The following ZDHHC11 variants were observed in gnomAD, a reference collection of about 807,000 sequenced individuals.
ZDHHC11 encodes the protein palmitoyltransferase ZDHHC11.
Under a neutral mutation model 51.3 loss-of-function variants are expected in ZDHHC11, and 44 were observed. The ratio of observed to expected loss-of-function variants is 0.86; its 90% CI spans 0.67 to 1.10. The LOEUF (loss-of-function observed/expected upper bound fraction) is 1.10. Among genes scored for constraint, ZDHHC11 ranks in the 50% least tolerant of loss-of-function variants. The pLI, the probability that ZDHHC11 is intolerant of heterozygous loss-of-function variation, is 0.00. For synonymous variants in ZDHHC11, 163 were observed against 222.0 expected, an observed-to-expected ratio of 0.73 and a Z score of 2.36; for missense variants, 400 against 537.7, an observed-to-expected ratio of 0.74 and a Z score of 2.53.
chr5:848,868 C>T (rs542948699), intron 1 of ZDHHC11, among the ~76,000 whole-genome samples: 7 of 151,530 alleles, frequency 4.6e-5, no homozygotes, highest in Non-Finnish European at 8.8e-5. Context: ...TTCGCCTGGC[C>T]CTGCTCACCT....
At chr5:804,758 A>G (rs1739004275) in intron 11 of ZDHHC11, among the ~76,000 whole-genome samples, 2 of 151,348 alleles carry the variant, frequency 1.3e-5, no homozygotes, top group South Asian at 4.2e-4. Flanking sequence ...TATGTGACAA[A>G]TCTATCCTTC....
At chr5:832,347 G>C (rs1328438723) in intron 7 of ZDHHC11, among the ~76,000 whole-genome samples, 19 of 53,278 alleles carry the variant, frequency 3.6e-4, no homozygotes, top group Non-Finnish European at 5.3e-4. Context: ...TACACATTGA[G>C]TACTGTATAC....
At chr5:817,737 C>T (rs1407414957) in intron 10 of ZDHHC11, among the ~76,000 whole-genome samples, 1 of 150,452 alleles carries the variant, frequency 6.6e-6, no homozygotes, top group African/African-American at 2.5e-5. Flanking sequence ...CTGCAGCACA[C>T]TCATTACACA....
upstream of ZDHHC11, among the ~76,000 whole-genome samples, chr5:852,923 A>T (rs1483236750): frequency 6.9e-6 from 1 of 145,528 alleles, no homozygotes; most frequent in Non-Finnish European, 1.5e-5. Flanking sequence ...CCCGCGGAGG[A>T]CAGCGAGCCG....
At chr5:808,746 G>A (rs1234286249) in intron 11 of ZDHHC11, among the ~76,000 whole-genome samples, 1,336 of 143,598 alleles carry the variant, frequency 9.3e-3, no homozygotes, top group African/African-American at 0.032. Context: ...CGCCCAGGCT[G>A]GAGTGCAGTG....
At chr5:828,475 C>CAAATT (rs1561262639) in intron 7 of ZDHHC11, among the ~76,000 whole-genome samples, 3 of 151,098 alleles carry the variant, frequency 2.0e-5, no homozygotes, top group African/African-American at 7.3e-5. Flanking sequence ...ACCTCCCTCC[C>CAAATT]GGACGGGGGA....
chr5:856,542 A>C (rs1043001328), intron 1 of ZDHHC11, among the ~76,000 whole-genome samples: 2 of 150,174 alleles, frequency 1.3e-5, no homozygotes, highest in Non-Finnish European at 3.0e-5. Flanking sequence ...CACACACCAC[A>C]CAACTCCATG....
exon 1 of ZDHHC11, among the ~76,000 whole-genome samples, chr5:858,919 C>T (rs1015389755): frequency 1.3e-5 from 2 of 152,050 alleles, no homozygotes; most frequent in African/African-American, 4.8e-5. Flanking sequence ...ATCACAGGTC[C>T]AGGCTGAAGA....
intron 4 of ZDHHC11, chr5:841,182 C>A: frequency 9.6e-7 from 1 of 1,039,398 alleles, no homozygotes; most frequent in South Asian, 3.1e-5. Flanking sequence ...GTGCCGGGGT[C>A]ACAGCACCCA....
intron 4 of ZDHHC11, among the ~76,000 whole-genome samples, chr5:843,165 C>T (rs539343668): frequency 6.6e-5 from 10 of 152,406 alleles, no homozygotes; most frequent in Non-Finnish European, 8.8e-5. Flanking sequence ...AGGGCCTCAG[C>T]GCACCGCAGC....
At chr5:860,158 C>A (rs1748717047), upstream of ZDHHC11, among the ~76,000 whole-genome samples, 1 of 152,162 alleles carries the variant, frequency 6.6e-6, no homozygotes, top group African/African-American at 2.4e-5. The surrounding 1 kb of genome is among the most constrained non-coding windows in gnomAD (Gnocchi z 4.2). Flanking sequence ...GGGCGGGTGC[C>A]CAGGACGACA....
intron 8 of ZDHHC11, chr5:823,579 G>A (rs887776043): frequency 1.2e-4 from 20 of 164,834 alleles, no homozygotes; most frequent in African/African-American, 2.8e-4. Flanking sequence ...TGCCACGGAC[G>A]CGGGTGTCAG....
Position 814,842 on chromosome 5 carries a change from G to T in ZDHHC11, c.1147-47C>A, listed in dbSNP as rs372787893. The T allele has an allele frequency of 2.3e-5, 34 of 1,485,742 alleles. 2 individuals are homozygous for T. The highest frequency in any genetic ancestry group is 2.8e-5 in the African/African-American group (2 of 70,872). 92.0% of individuals were successfully genotyped at this position (1,485,742 alleles called of 1,614,324 possible). A position where few individuals can be genotyped will look rare whatever the true frequency, so the allele number is the denominator to read the frequency against. On this transcript the variant is annotated intron_variant, in intron 10 of 12. Transcript: ENST00000283441. ...AATTCATAGGATGAACAAAGACCTT[G>T]TTGACATTAAACTTATTCTTAAAAT...
chr5:818,335 G>A (rs551168961), intron 10 of ZDHHC11, among the ~76,000 whole-genome samples: 11 of 151,782 alleles, frequency 7.2e-5, no homozygotes, highest in East Asian at 3.9e-4. Flanking sequence ...GGGCCCAATC[G>A]GTTTCCACTG....
At position 842,840 on chromosome 5, in the gene ZDHHC11, G is replaced by A. The variant is rs1030530674; in HGVS notation, c.628+760C>T. ...AATTTTGCCAGCTCCTGTGGCTCCC[G>A]GCGACCCCGGGCTGTGGCTGTGTGA... On this transcript the variant is annotated intron_variant, in intron 4 of 12. Transcript: ENST00000283441. 1.8e-4 allele frequency among the ~76,000 whole-genome samples: 27 copies of A among 151,608 alleles called. No homozygotes were observed. In the South Asian group the frequency reaches 4.8e-3, roughly 27 times the overall value.
rs6891079 is a variant in ZDHHC11, at chr5:816,906, A to G, written c.1147-2111T>C. 1.2e-3 allele frequency: 522 copies of G among 425,656 alleles called. 8 individuals carry two copies. The highest frequency in any genetic ancestry group is 0.01 in the African/African-American group (492 of 48,938). 26.4% of individuals were successfully genotyped at this position (425,656 alleles called of 1,614,324 possible). ...CCAAGTTCACCAAGTCTATGGCTGA[A>G]TTTTTCTGACCCCAGTGGGAGACTG... On this transcript the variant is annotated intron_variant, in intron 10 of 12. Transcript: ENST00000283441.
At chr5:809,014 C>CACACACACAT (rs1554050773) in intron 11 of ZDHHC11, among the ~76,000 whole-genome samples, 2,014 of 138,590 alleles carry the variant, frequency 0.015, 89 homozygotes, top group East Asian at 0.051. Context: ...CACACACACA[C>CACACACACAT]GCACACTATT....
At chr5:855,175 C>T (rs1039540692), upstream of ZDHHC11, among the ~76,000 whole-genome samples, 2 of 141,078 alleles carry the variant, frequency 1.4e-5, no homozygotes, top group African/African-American at 5.4e-5. Flanking sequence ...CTACAGAGAA[C>T]AGAGAGCCGG....
intron 11 of ZDHHC11, among the ~76,000 whole-genome samples, chr5:803,335 T>G (rs1292606066): frequency 6.6e-6 from 1 of 151,466 alleles, no homozygotes; most frequent in Non-Finnish European, 1.5e-5. Context: ...CATTCCCCCC[T>G]TGTTTGTAGC....
Sources: allele counts gnomAD v4.1 joint callset (sites outside exome capture counted in the v4.1 genomes callset), GRCh38; gene constraint gnomAD v4.1.1; non-coding constraint Gnocchi (gnomAD v3.1); transcripts MANE v1.5; gene names NCBI Gene and HGNC (gene_info 2026-07-23, HGNC 2026-07-21).